The following KIF3A variants were observed in gnomAD, a reference collection of about 807,000 sequenced individuals.
The protein encoded by KIF3A is kinesin family member 3A.
In KIF3A, 27 loss-of-function variants were observed where a neutral mutation model predicts 92.6. The ratio of observed to expected loss-of-function variants is 0.29; its 90% CI spans 0.21 to 0.40. The LOEUF (loss-of-function observed/expected upper bound fraction) is 0.40. Among genes scored for constraint, KIF3A ranks in the 10% least tolerant of loss-of-function variants. The pLI is 1.00. For missense variants in KIF3A, 581 were observed against 872.6 expected (o/e 0.67, Z 4.21); for synonymous variants, 250 against 275.4 (o/e 0.91, Z 0.92).
At chr5:132,697,950 T>A (rs1752894048) in intron 18 of KIF3A, 1 of 152,196 alleles carries the variant, frequency 6.6e-6, no homozygotes, top group Admixed American at 6.5e-5. Context: ...GAAAAAAAGA[T>A]ACATCTAAAG....
At chr5:132,692,047 A>C (rs1257458335), downstream of KIF3A, among the ~76,000 whole-genome samples, 1 of 152,156 alleles carries the variant, frequency 6.6e-6, no homozygotes, top group Non-Finnish European at 1.5e-5. Context: ...GATTGGATGA[A>C]GAAAATGTGG....
chr5:132,725,809 A>G (rs1740491123), intron 4 of KIF3A, among the ~76,000 whole-genome samples: 1 of 152,196 alleles, frequency 6.6e-6, no homozygotes, highest in Non-Finnish European at 1.5e-5. Context: ...TACTCTACAT[A>G]CATTATTCTC....
chr5:132,707,075 A>G (rs1016437314), intron 10 of KIF3A, among the ~76,000 whole-genome samples: 1 of 152,052 alleles, frequency 6.6e-6, no homozygotes, highest in Non-Finnish European at 1.5e-5. Context: ...CTAATGAAGA[A>G]TTTTTAAAGA....
chr5:132,689,314 T>C (rs900405314), downstream of KIF3A, among the ~76,000 whole-genome samples: 1 of 152,200 alleles, frequency 6.6e-6, no homozygotes, highest in African/African-American at 2.4e-5. Context: ...AGGCTAACGG[T>C]GGTCTTCAGT....
chr5:132,724,795 A>T lies in KIF3A; in HGVS notation c.510+1333T>A, dbSNP rs1353876530. ...TACCCTAGAACTTAAAGTATAATAA[A>T]AAAAAAAAAAAATATATATATATAT... On this transcript the variant is annotated intron_variant, in intron 4 of 18. Coordinates refer to ENST00000403231, the MANE Select transcript of KIF3A (RefSeq NM_001300791.2). 5.1e-3 allele frequency among the ~76,000 whole-genome samples: 152 copies of T among 29,776 alleles called. 4 individuals carry two copies. The highest frequency in any genetic ancestry group is 0.013 in the African/African-American group (90 of 6,916). 19.5% of individuals were successfully genotyped at this position (29,776 alleles called of 152,430 possible). A position where few individuals can be genotyped will look rare whatever the true frequency, so the allele number is the denominator to read the frequency against.
At chr5:132,689,405 G>C (rs1752611480), downstream of KIF3A, among the ~76,000 whole-genome samples, 1 of 152,106 alleles carries the variant, frequency 6.6e-6, no homozygotes, top group South Asian at 2.1e-4. Flanking sequence ...ACATTATTAG[G>C]ACCAAAGCAG....
rs184546340 is a variant in KIF3A, at chr5:132,731,774, G to A, written c.280+2431C>T. The stretch of plus-strand genomic sequence containing the variant: ...CACCCAGGCTGGAGTGCAATGGCAC[G>A]ATCTTGGTTCACTGCAACCTCCGCC... On this transcript the variant is annotated intron_variant, in intron 2 of 18. Transcript: ENST00000403231. Among the ~76,000 whole-genome samples, 1,150 of 151,432 alleles carry A rather than the reference G, an allele frequency of 7.6e-3. 6 individuals are homozygous for A. The highest frequency in any genetic ancestry group is 0.016 in the African/African-American group (658 of 41,200).
intron 18 of KIF3A, chr5:132,697,618 C>A (rs1452777924): frequency 6.6e-6 from 1 of 152,136 alleles, no homozygotes; most frequent in African/African-American, 2.4e-5. Flanking sequence ...GGGTTCGAGA[C>A]CAGCCTGGCC....
chr5:132,715,540 TA>T (rs1327949770), intron 8 of KIF3A, among the ~76,000 whole-genome samples: 4 of 152,196 alleles, frequency 2.6e-5, no homozygotes, highest in Non-Finnish European at 4.4e-5. Context: ...CAAATGTTTT[TA>T]AAAAACCACA....
In KIF3A at chr5:132,693,818, A is replaced by C. The variant is rs1338912140; in HGVS notation, c.*2816T>G. Reference sequence around the variant, plus strand: ...TGGTGAAACCCGGTCTCTACTAAAAAAAAAATACAAAAATTAGCTGGGTGT... The same window carrying C: ...TGGTGAAACCCGGTCTCTACTAAAACAAAAATACAAAAATTAGCTGGGTGT... On this transcript the variant is annotated 3_prime_UTR_variant, in exon 19 of 19. Coordinates refer to ENST00000403231, the MANE Select transcript of KIF3A (RefSeq NM_001300791.2). The C allele has an allele frequency of 6.6e-6, 1 of 151,844 alleles. No individual in the cohort carries two copies. The highest frequency in any genetic ancestry group is 2.4e-5 in the African/African-American group (1 of 41,310). 9.4% of individuals were successfully genotyped at this position (151,844 alleles called of 1,614,324 possible).
At chr5:132,716,721 C>A in intron 6 of KIF3A, 124 bp downstream of exon 6, 1 of 1,060,774 alleles carries the variant, frequency 9.4e-7, no homozygotes, top group Non-Finnish European at 1.4e-6. Flanking sequence ...AAATAATAAA[C>A]ATACACAAGT....
chr5:132,716,476 A>T (rs1753626828), intron 6 of KIF3A, 34 bp from the exon 7 acceptor site: 1 of 1,546,340 alleles, frequency 6.5e-7, no homozygotes, highest in Non-Finnish European at 8.8e-7. Flanking sequence ...TAAAGCTAAA[A>T]TTTTTTTAAA....
chr5:132,715,839 A>G lies in KIF3A; in HGVS notation c.1047T>C (p.Ala349=), dbSNP rs780032968. 5 of 1,610,804 alleles carry G rather than the reference A, an allele frequency of 3.1e-6. No homozygotes were observed. Among genetic ancestry groups the G allele is most frequent in the Admixed American group, 1.7e-5 (1 of 59,856 alleles). The part of the protein sequence containing the change: ...ANRAKNIKNK[A]RINEDPKDAL... Reference sequence around the variant, plus strand: ...CATCCTTTGGATCTTCATTAATTCTAGCTTTATTTTTAATATTCTTAGCAC... The same window carrying G: ...CATCCTTTGGATCTTCATTAATTCTGGCTTTATTTTTAATATTCTTAGCAC... The change falls in exon 8 of 19, where the codon GCT becomes GCC. Residue 349 remains alanine, a synonymous_variant. Transcript: ENST00000403231.
chr5:132,732,297 G>C (rs998544750), intron 2 of KIF3A, among the ~76,000 whole-genome samples: 1 of 152,120 alleles, frequency 6.6e-6, no homozygotes, highest in Non-Finnish European at 1.5e-5. Context: ...ATGTGACCTA[G>C]TAATTCCACT....
At chr5:132,712,190 A>G (rs890965801) in intron 8 of KIF3A, among the ~76,000 whole-genome samples, 1 of 152,196 alleles carries the variant, frequency 6.6e-6, no homozygotes, top group Non-Finnish European at 1.5e-5. Context: ...CTGGGTTTCT[A>G]AATACCATTC....
chr5:132,701,344 C>G (rs756963375), intron 15 of KIF3A, among the ~76,000 whole-genome samples: 6 of 151,448 alleles, frequency 4.0e-5, no homozygotes, highest in Non-Finnish European at 7.4e-5. Context: ...ACTAAATATA[C>G]AAAAATTAGC....
chr5:132,701,502 CAAA>C (rs5871462), intron 15 of KIF3A, among the ~76,000 whole-genome samples: 11 of 101,194 alleles, frequency 1.1e-4, no homozygotes, highest in Admixed American at 1.1e-4. Context: ...GTCTCCCTGA[CAAA>C]AAAAAAAAAA....
intron 2 of KIF3A, among the ~76,000 whole-genome samples, chr5:132,727,868 A>C (rs3798129): frequency 1.3e-5 from 2 of 151,984 alleles, no homozygotes; most frequent in Admixed American, 1.3e-4. Flanking sequence ...TCCTCAACTA[A>C]TACTACTCTA....
At chr5:132,723,790 T>C (rs1753907774) in intron 4 of KIF3A, 1 of 152,130 alleles carries the variant, frequency 6.6e-6, no homozygotes, top group Non-Finnish European at 1.5e-5. Flanking sequence ...AAAGCCAAAA[T>C]TGACAAATGG....
Sources: allele counts gnomAD v4.1 joint callset (sites outside exome capture counted in the v4.1 genomes callset), GRCh38; gene constraint gnomAD v4.1.1; transcripts MANE v1.5; gene names NCBI Gene and HGNC (gene_info 2026-07-23, HGNC 2026-07-21).